Variants in NPHP1 observed in about 807,000 individuals in gnomAD.
NPHP1 encodes nephrocystin 1.
NPHP1 carries 70 observed loss-of-function variants against 90.4 expected under a neutral mutation model. The observed-to-expected ratio is 0.77, with a 90% confidence interval of 0.64 to 0.95. NPHP1 has a LOEUF of 0.95. NPHP1 is among the 40% of genes least tolerant of loss of function. NPHP1 has a pLI of 0.00. For synonymous variants in NPHP1, 256 were observed against 271.7 expected (o/e 0.94, Z 0.57); for missense variants, 764 against 795.9 (o/e 0.96, Z 0.48).
chr2:110,164,929 T>C, intron 7 of NPHP1, 123 bp downstream of exon 7: 2 of 906,548 alleles, frequency 2.2e-6, no homozygotes, highest in Non-Finnish European at 3.6e-6. Context: ...GACAATAGTA[T>C]GAAAAGCTCT....
intron 1 of NPHP1, 113 bp downstream of exon 1, chr2:110,204,787 T>C (rs1295368159): frequency 6.6e-6 from 7 of 1,057,970 alleles, no homozygotes; most frequent in Admixed American, 5.4e-5. Flanking sequence ...GGAAGGTAAG[T>C]AGGTTGGGGG....
intron 2 of NPHP1, among the ~76,000 whole-genome samples, chr2:110,180,448 C>CTTTTTTTTT (rs3086121): frequency 1.3e-3 from 108 of 80,922 alleles, no homozygotes; most frequent in East Asian, 5.2e-3. Flanking sequence ...CCGTTTGAGT[C>CTTTTTTTTT]TTTTTTTTTT....
intron 15 of NPHP1, chr2:110,143,911 C>A: frequency 2.4e-6 from 1 of 419,478 alleles, no homozygotes; most frequent in Non-Finnish European, 4.4e-6. Flanking sequence ...ATCCCAGACC[C>A]CAAACTCCTT....
chr2:110,143,743 G>T, intron 15 of NPHP1, 102 bp from the exon 16 acceptor site: 1 of 811,524 alleles, frequency 1.2e-6, no homozygotes, highest in South Asian at 1.4e-5. Context: ...CAGTAGTGCT[G>T]AATTGAATGA....
At chr2:110,201,269 A>G (rs1685559928) in intron 2 of NPHP1, 152 bp downstream of exon 2, 3 of 652,496 alleles carry the variant, frequency 4.6e-6, no homozygotes, top group South Asian at 1.8e-5. Context: ...GTCCGCAACC[A>G]TCAGGTTTAG....
chr2:110,173,376 AT>A (rs1258943512), intron 4 of NPHP1, among the ~76,000 whole-genome samples: 1 of 152,112 alleles, frequency 6.6e-6, no homozygotes. Context: ...AATATGGTTC[AT>A]TTTGGTTAAT....
intron 9 of NPHP1, 143 bp from the exon 10 acceptor site, chr2:110,161,840 C>A: frequency 3.2e-6 from 2 of 620,168 alleles, no homozygotes; most frequent in Non-Finnish European, 2.9e-6. Context: ...AAAATAGAAG[C>A]GCCAATATAG....
Position 110,203,555 on chromosome 2 carries a change from C to T in NPHP1, c.69+1345G>A, listed in dbSNP as rs1408835225. Among the ~76,000 whole-genome samples, 6 of 152,104 alleles carry T rather than the reference C, an allele frequency of 3.9e-5. No individual in the cohort carries two copies. In the South Asian group the frequency reaches 1.2e-3, roughly 32 times the overall value. On this transcript the variant is annotated intron_variant, in intron 1 of 19. Coordinates refer to ENST00000445609, the MANE Select transcript of NPHP1 (RefSeq NM_001128178.3). ...GTTGCACCACTGTGATTCCAATACA[C>T]AGTCACCTAAATATTTACCTTCCAA... is the stretch of plus-strand genomic sequence containing the variant.
intron 16 of NPHP1, among the ~76,000 whole-genome samples, chr2:110,136,538 CAG>C (rs1482410058): frequency 6.6e-6 from 1 of 152,060 alleles, no homozygotes; most frequent in Admixed American, 6.6e-5. Context: ...AACAGACAAA[CAG>C]AGAGCCAAAT....
intron 16 of NPHP1, among the ~76,000 whole-genome samples, chr2:110,134,788 A>G (rs1680044809): frequency 6.6e-6 from 1 of 152,082 alleles, no homozygotes; most frequent in Admixed American, 6.6e-5. Context: ...ACACCCTTTC[A>G]TGATAAAAAC....
chr2:110,184,858 G>A, intron 2 of NPHP1: 1 of 700,350 alleles, frequency 1.4e-6, no homozygotes, highest in Non-Finnish European at 2.7e-6. Flanking sequence ...CCCCTGAGCT[G>A]CTCTTCAGGC....
intron 11 of NPHP1, among the ~76,000 whole-genome samples, chr2:110,152,932 T>A (rs769287629): frequency 6.6e-6 from 1 of 151,674 alleles, no homozygotes; most frequent in Non-Finnish European, 1.5e-5. Flanking sequence ...TCCCCAAATT[T>A]GACAAAAGAC....
rs765856771 is a variant in NPHP1 at position 110,163,040 on chromosome 2, C to G, written c.859+8G>C. On this transcript the variant is annotated splice_region_variant and intron_variant, in intron 9 of 19. Transcript: ENST00000445609. ...GAAAGAGTGCAGTGGCTGATAGGCA[C>G]GCATTACCTTCCTCCAGAAGCTGTG... 10 of 1,602,912 alleles carry G rather than the reference C, an allele frequency of 6.2e-6. No individual in the cohort carries two copies. The African/African-American group carries it at 8.0e-5, about 13-fold the overall frequency.
chr2:110,194,141 A>T (rs915278446), intron 2 of NPHP1, among the ~76,000 whole-genome samples: 2 of 152,158 alleles, frequency 1.3e-5, no homozygotes, highest in Non-Finnish European at 2.9e-5. Context: ...AGCAGAAGGC[A>T]AGAAATAACT....
chr2:110,142,519 A>T (rs942351586), intron 16 of NPHP1, among the ~76,000 whole-genome samples: 5 of 146,126 alleles, frequency 3.4e-5, no homozygotes, highest in Admixed American at 2.1e-4. Context: ...TACCCAGCTA[A>T]TTTTTTTTTT....
intron 14 of NPHP1, 115 bp downstream of exon 14, chr2:110,146,638 A>C (rs1329672944): frequency 1.3e-6 from 1 of 768,130 alleles, no homozygotes; most frequent in African/African-American, 1.7e-5. Flanking sequence ...CAACATAAAA[A>C]GTCCTCTCCC....
At chr2:110,138,290 C>G (rs1319387896) in intron 16 of NPHP1, among the ~76,000 whole-genome samples, 1 of 151,864 alleles carries the variant, frequency 6.6e-6, no homozygotes, top group Admixed American at 6.6e-5. Flanking sequence ...CCTGCACGTT[C>G]TGCACATGTA....
intron 7 of NPHP1, 75 bp from the exon 8 acceptor site, chr2:110,164,805 C>T (rs1682601904): frequency 2.4e-6 from 3 of 1,256,626 alleles, no homozygotes; most frequent in Admixed American, 1.7e-5. Flanking sequence ...TCTTTAATCA[C>T]AGTTGATAAT....
At chr2:110,180,909 A>C (rs1425795210) in intron 2 of NPHP1, among the ~76,000 whole-genome samples, 1 of 152,204 alleles carries the variant, frequency 6.6e-6, no homozygotes, top group African/African-American at 2.4e-5. Context: ...GCAGCTGCTC[A>C]GGCACATACA....
Sources: allele counts gnomAD v4.1 joint callset (sites outside exome capture counted in the v4.1 genomes callset), GRCh38; gene constraint gnomAD v4.1.1; transcripts MANE v1.5; gene names NCBI Gene and HGNC (gene_info 2026-07-23, HGNC 2026-07-21).